The following SYNJ2 variants were observed in gnomAD, a reference collection of about 807,000 sequenced individuals.
SYNJ2 encodes the protein synaptojanin 2, also known as polyphosphatidylinositol phosphatase SYNJ2.
In SYNJ2, 116 loss-of-function variants were observed where a neutral mutation model predicts 141.3. That is an observed-to-expected ratio of 0.82 (90% CI 0.71 to 0.96). The LOEUF (loss-of-function observed/expected upper bound fraction) is 0.96, where lower values mean the gene tolerates loss of function less well. Among genes scored for constraint, SYNJ2 ranks in the 40% least tolerant of loss-of-function variants. The pLI is 0.00. For missense variants in SYNJ2, 1,873 were observed against 1,934.8 expected (o/e 0.97, Z 0.60); for synonymous variants, 745 against 777.7 (o/e 0.96, Z 0.70).
At chr6:158,074,438 A>G in intron 15 of SYNJ2, 142 bp from the exon 16 acceptor site, 1 of 778,926 alleles carries the variant, frequency 1.3e-6, no homozygotes, top group Non-Finnish European at 2.0e-6. Context: ...GAAAAACAAG[A>G]TGCTCTAGTA....
chr6:158,080,585 C>A (rs1782615571), intron 18 of SYNJ2, among the ~76,000 whole-genome samples: 2 of 151,022 alleles, frequency 1.3e-5, no homozygotes, highest in African/African-American at 4.9e-5. Context: ...AATCCCTGGT[C>A]ATTTCCTTAG....
chr6:158,087,474 G>A (rs1471106023), intron 23 of SYNJ2, among the ~76,000 whole-genome samples: 1 of 152,208 alleles, frequency 6.6e-6, no homozygotes, highest in African/African-American at 2.4e-5. Context: ...CTGGGTCTAG[G>A]AGCATTTTCT....
intron 11 of SYNJ2, among the ~76,000 whole-genome samples, chr6:158,066,139 C>T (rs1308831852): frequency 6.6e-6 from 1 of 152,160 alleles, no homozygotes; most frequent in East Asian, 1.9e-4. Flanking sequence ...CACGGCTTTT[C>T]CCTGTCGTGT....
At chr6:158,049,753 C>CGGCTCTGCAGGTGGGGACAT (rs951585123) in intron 5 of SYNJ2, among the ~76,000 whole-genome samples, 3 of 150,068 alleles carry the variant, frequency 2.0e-5, no homozygotes, top group African/African-American at 2.5e-5. Flanking sequence ...GGTGGGGACA[C>CGGCTCTGCAGGTGGGGACAT]GGCTCTGCAG....
At chr6:158,016,929 C>T (rs1231964384) in intron 1 of SYNJ2, 2 of 1,094,108 alleles carry the variant, frequency 1.8e-6, no homozygotes, top group South Asian at 6.8e-5. Flanking sequence ...CTGCCCCCAG[C>T]TGGACGCCAG....
intron 5 of SYNJ2, among the ~76,000 whole-genome samples, chr6:158,054,544 G>A (rs1161846928): frequency 1.3e-5 from 2 of 152,186 alleles, no homozygotes; most frequent in African/African-American, 2.4e-5. Flanking sequence ...TGATCATTAG[G>A]ATGACTCAGA....
intron 4 of SYNJ2, among the ~76,000 whole-genome samples, chr6:158,035,909 A>G (rs887582342): frequency 6.6e-6 from 1 of 152,088 alleles, no homozygotes; most frequent in Non-Finnish European, 1.5e-5. Flanking sequence ...TTTGCAAACT[A>G]TGCATCTGAC....
chr6:157,982,224 G>A lies in SYNJ2; in HGVS notation c.127+136G>A, dbSNP rs1304094939. ...TGCCGGGGCGTAGGGGTCGCGCGCAGAGGGGTGGCTGTTTGAATGAAGTGG... is the reference window on the plus strand; with the variant it reads ...TGCCGGGGCGTAGGGGTCGCGCGCAAAGGGGTGGCTGTTTGAATGAAGTGG... On this transcript the variant is annotated intron_variant, in intron 1 of 26. Coordinates refer to ENST00000355585, the MANE Select transcript of SYNJ2 (RefSeq NM_003898.4). This position sits in a 1 kb window ranked among gnomAD's most constrained non-coding sequence, Gnocchi z 4.0. 34 of 1,152,798 alleles carry A rather than the reference G, an allele frequency of 2.9e-5. No individual in the cohort carries two copies. In the East Asian group the frequency reaches 1.1e-3, roughly 36 times the overall value. 71.4% of individuals were successfully genotyped at this position (1,152,798 alleles called of 1,614,324 possible).
chr6:158,055,642 A>T (rs573261311), intron 6 of SYNJ2, among the ~76,000 whole-genome samples: 1 of 152,158 alleles, frequency 6.6e-6, no homozygotes, highest in African/African-American at 2.4e-5. Flanking sequence ...TTCTTAAAAG[A>T]TTTGCTTATT....
Position 158,084,192 on chromosome 6 carries a change from T to C in SYNJ2, c.3208+18T>C. On this transcript the variant is annotated intron_variant, in intron 22 of 26. Transcript: ENST00000355585. The surrounding 1 kb of genome is among the most constrained non-coding windows in gnomAD (Gnocchi z 5.0). ...GTACAAAGGTAGCCTGACCCTTCTT[T>C]TCTCAGGAGCCTCAGCGATGGAGTC... The C allele has an allele frequency of 6.2e-7, 1 of 1,608,390 alleles. No homozygotes were observed. The highest frequency in any genetic ancestry group is 8.5e-7 in the Non-Finnish European group (1 of 1,176,702).
intron 4 of SYNJ2, among the ~76,000 whole-genome samples, chr6:158,036,872 G>A (rs1376961681): frequency 5.3e-5 from 8 of 152,166 alleles, no homozygotes; most frequent in Non-Finnish European, 8.8e-5. Flanking sequence ...ATGTCTGCAT[G>A]GGGAGAGTCC....
In SYNJ2 at chr6:158,076,741, G is replaced by C. The variant is rs1782319700; in HGVS notation, c.2408G>C (p.Arg803Thr). 6.2e-7 allele frequency: 1 copy of C among 1,613,932 alleles called. No individual in the cohort carries two copies. Among genetic ancestry groups the C allele is most frequent in the Non-Finnish European group, 8.5e-7 (1 of 1,179,960 alleles). ...DKCRTPAWTDRVLWWRKKHPF... is the reference protein window; with the variant it reads ...DKCRTPAWTDTVLWWRKKHPF... The stretch of plus-strand genomic sequence containing the variant: ...TGCCGCACCCCCGCCTGGACAGACA[G>C]GGTGCTGTGGTGGAGGAAGAAACAT... Residue 803 changes from arginine to threonine, a missense_variant, in exon 17 of 27, where the codon AGG becomes ACG. Arg to Thr is a moderately conservative substitution (Grantham distance 71). Transcript: ENST00000355585.
chr6:158,015,470 A>G (rs1216966774), intron 1 of SYNJ2, among the ~76,000 whole-genome samples: 2 of 152,158 alleles, frequency 1.3e-5, no homozygotes, highest in Non-Finnish European at 2.9e-5. Context: ...GGGTGGGGAG[A>G]AAAGTCCATC....
intron 25 of SYNJ2, among the ~76,000 whole-genome samples, chr6:158,090,560 T>TG (rs1783379962): frequency 6.7e-6 from 1 of 150,232 alleles, no homozygotes; most frequent in Admixed American, 6.6e-5. Flanking sequence ...TTTTTTTTTT[T>TG]TTGAGACTGA....
chr6:158,036,165 C>T (rs1400528691), intron 4 of SYNJ2, among the ~76,000 whole-genome samples: 1 of 152,140 alleles, frequency 6.6e-6, no homozygotes, highest in African/African-American at 2.4e-5. Context: ...TATTATTTGA[C>T]TTGTGTGAAA....
chr6:158,020,249 G>A (rs1007305696), intron 2 of SYNJ2, among the ~76,000 whole-genome samples: 2 of 137,486 alleles, frequency 1.5e-5, no homozygotes, highest in African/African-American at 6.4e-5. Context: ...CCCCACCTGC[G>A]TGACTCTGAC....
intron 3 of SYNJ2, among the ~76,000 whole-genome samples, chr6:158,031,545 C>A (rs2128337723): frequency 6.6e-6 from 1 of 152,364 alleles, no homozygotes; most frequent in Non-Finnish European, 1.5e-5. Context: ...GCCCCCAGAA[C>A]TGACCACAAC....
intron 1 of SYNJ2, among the ~76,000 whole-genome samples, chr6:158,016,088 A>C (rs997426211): frequency 6.6e-6 from 1 of 152,144 alleles, no homozygotes; most frequent in East Asian, 1.9e-4. Flanking sequence ...GTCTCTAGAA[A>C]TGTGCCTGTT....
At chr6:158,048,100 G>A (rs1481784517) in intron 5 of SYNJ2, among the ~76,000 whole-genome samples, 1 of 152,178 alleles carries the variant, frequency 6.6e-6, no homozygotes, top group Non-Finnish European at 1.5e-5. Flanking sequence ...CATTCACTGA[G>A]CGTCTGCCAG....
Sources: allele counts gnomAD v4.1 joint callset (sites outside exome capture counted in the v4.1 genomes callset), GRCh38; gene constraint gnomAD v4.1.1; non-coding constraint Gnocchi (gnomAD v3.1); transcripts MANE v1.5; gene names NCBI Gene and HGNC (gene_info 2026-07-23, HGNC 2026-07-21).